SH3RF3: variants seen among roughly 807,000 people sequenced by gnomAD.
SH3RF3 encodes SH3 domain containing ring finger 3.
Under a neutral mutation model 66.3 loss-of-function variants are expected in SH3RF3, and 29 were observed. That is an observed-to-expected ratio of 0.44 (90% confidence interval 0.33 to 0.60). The LOEUF is 0.60. SH3RF3 is among the 20% of genes least tolerant of loss of function. The pLI, the probability that SH3RF3 is intolerant of heterozygous loss-of-function variation, is 0.04. For synonymous variants in SH3RF3, 583 were observed against 532.0 expected, an observed-to-expected ratio of 1.10 and a Z score of -1.32; for missense variants, 1,194 against 1,190.9, an observed-to-expected ratio of 1.00 and a Z score of -0.04.
At chr2:109,303,613 G>A (rs147420232) in intron 1 of SH3RF3, among the ~76,000 whole-genome samples, 5 of 152,350 alleles carry the variant, frequency 3.3e-5, no homozygotes, top group Admixed American at 2.6e-4. Flanking sequence ...ACGGGCTGGC[G>A]AGACAAAGTC....
At chr2:109,495,868 G>T (rs1022751353) in intron 9 of SH3RF3, among the ~76,000 whole-genome samples, 1 of 152,130 alleles carries the variant, frequency 6.6e-6, no homozygotes, top group Non-Finnish European at 1.5e-5. Context: ...TATAATACTT[G>T]TAAATCACCT....
chr2:109,443,247 C>G (rs1677618538), intron 7 of SH3RF3, among the ~76,000 whole-genome samples: 1 of 152,242 alleles, frequency 6.6e-6, no homozygotes, highest in Non-Finnish European at 1.5e-5. Flanking sequence ...AAGTGGCTGA[C>G]CTGAGGCTGC....
intron 7 of SH3RF3, among the ~76,000 whole-genome samples, chr2:109,445,277 T>TC (rs1677674073): frequency 6.6e-6 from 1 of 152,154 alleles, no homozygotes; most frequent in South Asian, 2.1e-4. Flanking sequence ...AAAGGAGTAG[T>TC]CCCTGAGAAT....
At chr2:109,427,988 T>C (rs1012384345) in intron 5 of SH3RF3, among the ~76,000 whole-genome samples, 2 of 152,262 alleles carry the variant, frequency 1.3e-5, no homozygotes, top group Non-Finnish European at 2.9e-5. Context: ...TCTGAGCTCC[T>C]GAGCCTGCTT....
rs114575870 is a variant in SH3RF3, at chr2:109,452,989, C to T, written c.2148+3500C>T. ...AGGCTGGTCCCTGGGAGGCTATTCCCGGGAGGCTGGTCCCCGGGAAACTGG... is the reference window on the plus strand; with the variant it reads ...AGGCTGGTCCCTGGGAGGCTATTCCTGGGAGGCTGGTCCCCGGGAAACTGG... On this transcript the variant is annotated intron_variant, in intron 8 of 9. Coordinates refer to ENST00000309415, the MANE Select transcript of SH3RF3 (RefSeq NM_001099289.3). Among the ~76,000 whole-genome samples the T allele has an allele frequency of 2.4e-3, 368 of 151,622 alleles. 1 individual carries two copies. The highest frequency in any genetic ancestry group is 8.3e-3 in the African/African-American group (343 of 41,366).
At chr2:109,448,407 T>C (rs541010647) in intron 7 of SH3RF3, among the ~76,000 whole-genome samples, 1 of 152,218 alleles carries the variant, frequency 6.6e-6, no homozygotes, top group South Asian at 2.1e-4. Flanking sequence ...AGGTTGTGAG[T>C]GGTGGGTGAG....
chr2:109,462,716 C>T (rs1334895935), intron 8 of SH3RF3, among the ~76,000 whole-genome samples: 3 of 152,216 alleles, frequency 2.0e-5, no homozygotes, highest in Non-Finnish European at 2.9e-5. Flanking sequence ...AGGATTCTGC[C>T]TGCTGCTGAG....
At chr2:109,384,175 C>T (rs1187986231) in intron 3 of SH3RF3, among the ~76,000 whole-genome samples, 1 of 152,222 alleles carries the variant, frequency 6.6e-6, no homozygotes, top group Non-Finnish European at 1.5e-5. Context: ...CCACGTTCAT[C>T]CAGTCCTTAA....
At chr2:109,289,038 C>A (rs755893952) in intron 1 of SH3RF3, among the ~76,000 whole-genome samples, 1 of 152,168 alleles carries the variant, frequency 6.6e-6, no homozygotes, top group Admixed American at 6.5e-5. Context: ...CACTAACATT[C>A]GTTTGTCAAC....
chr2:109,316,654 A>G (rs1377920991), intron 1 of SH3RF3, among the ~76,000 whole-genome samples: 2 of 152,196 alleles, frequency 1.3e-5, no homozygotes. Context: ...TTCCATCAGC[A>G]TCAGCCACCA....
intron 1 of SH3RF3, among the ~76,000 whole-genome samples, chr2:109,289,782 C>T (rs1681119690): frequency 6.6e-6 from 1 of 151,908 alleles, no homozygotes; most frequent in Admixed American, 6.6e-5. Flanking sequence ...AAGCTGGAAA[C>T]TGGGTGACAG....
chr2:109,495,039 A>C (rs964515087), intron 9 of SH3RF3, among the ~76,000 whole-genome samples: 2 of 152,156 alleles, frequency 1.3e-5, no homozygotes. Context: ...CCAGTCTCGT[A>C]AGTAGACTTA....
chr2:109,191,752 A>G (rs1418751394), intron 1 of SH3RF3, among the ~76,000 whole-genome samples: 2 of 152,224 alleles, frequency 1.3e-5, no homozygotes, highest in Non-Finnish European at 2.9e-5. Flanking sequence ...GCCAGGCTCC[A>G]GCAGTCACAG....
chr2:109,320,187 C>T (rs766243571), intron 1 of SH3RF3, among the ~76,000 whole-genome samples: 56 of 152,166 alleles, frequency 3.7e-4, no homozygotes, highest in Admixed American at 8.5e-4. Flanking sequence ...TCACAGCCCT[C>T]GGCTTGCCTC....
chr2:109,209,929 G>C (rs1678930261), intron 1 of SH3RF3, among the ~76,000 whole-genome samples: 1 of 152,058 alleles, frequency 6.6e-6, no homozygotes, highest in African/African-American at 2.4e-5. Flanking sequence ...CACTATTTCT[G>C]AGCAACACCT....
chr2:109,328,564 C>T (rs527910556), intron 1 of SH3RF3, among the ~76,000 whole-genome samples: 16 of 152,290 alleles, frequency 1.1e-4, no homozygotes, highest in Admixed American at 7.9e-4. Flanking sequence ...CCTCTGATTT[C>T]GACAGTGCAT....
rs1277781594 is a variant in SH3RF3 at position 109,176,363 on chromosome 2, T to TA, written c.573+46251dup. On this transcript the variant is annotated intron_variant, in intron 1 of 9. Transcript: ENST00000309415. ...AGAAGACAGCTGAGCAGCAGTGAGA[T>TA]ACTCTGAGAGAACACCATGTGCAAT... 6.6e-4 allele frequency among the ~76,000 whole-genome samples: 100 copies of TA among 152,280 alleles called. 1 individual carries two copies. The highest frequency in any genetic ancestry group is 2.1e-4 in the Non-Finnish European group (14 of 68,020).
intron 1 of SH3RF3, among the ~76,000 whole-genome samples, chr2:109,222,983 G>A (rs1679289547): frequency 6.6e-6 from 1 of 152,220 alleles, no homozygotes; most frequent in South Asian, 2.1e-4. Context: ...AACAGGGTCT[G>A]TACTCACTGC....
intron 2 of SH3RF3, among the ~76,000 whole-genome samples, chr2:109,360,478 T>C (rs1039095254): frequency 6.6e-6 from 1 of 152,182 alleles, no homozygotes; most frequent in African/African-American, 2.4e-5. Context: ...GTGTATAAGG[T>C]ATATATAAAA....
Sources: gnomAD v4.1 joint callset for allele counts (sites outside exome capture counted in the v4.1 genomes callset) on GRCh38, gnomAD v4.1.1 for gene constraint, MANE v1.5 for transcripts, NCBI Gene and HGNC (gene_info 2026-07-23, HGNC 2026-07-21) for gene names.